The following EIF4G1 variants were observed in gnomAD, a reference collection of about 807,000 sequenced individuals.
EIF4G1 encodes the protein EIF4-gamma.
EIF4G1 carries 4 observed loss-of-function variants against 187.8 expected under a neutral mutation model. That is an observed-to-expected ratio of 0.02 (90% CI 0.01 to 0.05). EIF4G1 has a LOEUF of 0.05. Ranked by LOEUF, EIF4G1 falls within the 10% of genes least tolerant of loss-of-function variation. EIF4G1 has a pLI of 1.00. For synonymous variants in EIF4G1, 844 were observed against 781.4 expected (o/e 1.08, Z -1.34); for missense variants, 1,647 against 2,081.1 (o/e 0.79, Z 4.06).
intron 2 of EIF4G1, 100 bp from the exon 3 acceptor site, chr3:184,315,663 A>T (rs1186730359): frequency 2.3e-6 from 2 of 870,856 alleles, no homozygotes; most frequent in Non-Finnish European, 3.8e-6. Context: ...CATCTCTGGG[A>T]CTCCGTATGG....
Position 184,323,486 on chromosome 3 carries a change from G to A in EIF4G1, c.2167G>A (p.Glu723Lys), listed in dbSNP as rs770352096. ...GATCATTGCCACAGTGTTAATGACC[G>A]AAGATATAAAACTGAACAAAGCAGA... Reference protein sequence around the residue: ...RKIIATVLMTEDIKLNKAEKA... With the variant: ...RKIIATVLMTKDIKLNKAEKA... Residue 723 changes from glutamate (E) to lysine (K), a missense_variant, in exon 15 of 33, where the codon GAA becomes AAA. Glu to Lys is a moderately conservative substitution (Grantham distance 56). Coordinates refer to ENST00000346169, the MANE Select transcript of EIF4G1 (RefSeq NM_198241.3). This position sits in a 1 kb window ranked among gnomAD's most constrained non-coding sequence, Gnocchi z 6.9. The A allele has an allele frequency of 8.7e-6, 14 of 1,614,044 alleles. No homozygotes were observed. The highest frequency in any genetic ancestry group is 1.6e-4 in the Middle Eastern group (1 of 6,084).
chr3:184,325,672 G>C lies in EIF4G1; in HGVS notation c.3121+33G>C, dbSNP rs771104958. The C allele has an allele frequency of 1.2e-6, 2 of 1,614,176 alleles. No homozygotes were observed. The highest frequency in any genetic ancestry group is 1.1e-5 in the South Asian group (1 of 91,080). On this transcript the variant is annotated intron_variant, in intron 20 of 32. Coordinates refer to ENST00000346169, the MANE Select transcript of EIF4G1 (RefSeq NM_198241.3). This position sits in a 1 kb window ranked among gnomAD's most constrained non-coding sequence, Gnocchi z 5.2. ...CCAAGCTGGGATTGAGAAGGGAGCA[G>C]TGAAGGGACCGGGAGGTTATACTTT... is the stretch of plus-strand genomic sequence containing the variant.
At chr3:184,317,134 G>A (rs1425837283) in intron 4 of EIF4G1, among the ~76,000 whole-genome samples, 187 bp from the exon 5 acceptor site, 3 of 152,212 alleles carry the variant, frequency 2.0e-5, no homozygotes, top group African/African-American at 7.2e-5. Context: ...TGAATTTGGA[G>A]GTTTGGAGGG....
chr3:184,319,715 G>A lies in EIF4G1; in HGVS notation c.451G>A (p.Val151Met), dbSNP rs369746567. 1.2e-6 allele frequency: 2 copies of A among 1,604,102 alleles called. No individual in the cohort carries two copies. Among genetic ancestry groups the A allele is most frequent in the Non-Finnish European group, 1.7e-6 (2 of 1,175,682 alleles). ...TGGCGCCTACTATCCAGCCCAAGGG[G>A]TGCAGCAGTTTCCCACTGGCGTGGC... ...YAGAYYPAQG[V>M]QQFPTGVAPT... is the part of the protein sequence containing the mutation. The change falls in exon 7 of 33, where the codon GTG (valine) becomes ATG (methionine). Residue 151 changes from valine (V) to methionine (M), a missense_variant. Val to Met is a conservative substitution (Grantham distance 21, BLOSUM62 1). Coordinates refer to ENST00000346169, the MANE Select transcript of EIF4G1 (RefSeq NM_198241.3).
chr3:184,323,422 C>T lies in EIF4G1; in HGVS notation c.2103C>T (p.Pro701=). 1.2e-6 allele frequency: 2 copies of T among 1,614,218 alleles called. No individual in the cohort carries two copies. Among genetic ancestry groups the T allele is most frequent in the South Asian group, 2.2e-5 (2 of 91,088 alleles). The part of the protein sequence containing the change: ...ELPRGPAGLG[P]RRSQQGPRKE... ...TTGCTTAGCAGGCTGGCCTGGGACC[C>T]CGGCGCTCTCAGCAGGGACCCCGAA... The change falls in exon 15 of 33, where the codon CCC becomes CCT. Residue 701 remains proline, a synonymous_variant. Transcript: ENST00000346169. The surrounding 1 kb of genome is among the most constrained non-coding windows in gnomAD (Gnocchi z 6.9).
At position 184,323,780 on chromosome 3, in the gene EIF4G1, G is replaced by C. The variant is rs142947014; in HGVS notation, c.2275G>C (p.Asp759His). The C allele has an allele frequency of 1.2e-6, 2 of 1,613,500 alleles. No homozygotes were observed. Among genetic ancestry groups the C allele is most frequent in the African/African-American group, 1.3e-5 (1 of 74,914 alleles). ...GAACTCTTGTCTCTTCTCCCTCCAG[G>C]ACCTATTCCGCAGGGTGCGCTCCAT... ...EEDADGSKTQ[D>H]LFRRVRSILN... is the part of the protein sequence containing the mutation. Residue 759 changes from aspartate (D) to histidine (H), a missense_variant and splice_region_variant, in exon 16 of 33, where the codon GAC becomes CAC. Asp to His is a moderately conservative substitution (Grantham distance 81, BLOSUM62 -1). Coordinates refer to ENST00000346169, the MANE Select transcript of EIF4G1 (RefSeq NM_198241.3). The surrounding 1 kb of genome is among the most constrained non-coding windows in gnomAD (Gnocchi z 6.9).
rs772151733 is a variant in EIF4G1, at chr3:184,334,720, C to T, written c.4619-7C>T. On this transcript the variant is annotated splice_region_variant and splice_polypyrimidine_tract_variant and intron_variant, in intron 32 of 32. Coordinates refer to ENST00000346169, the MANE Select transcript of EIF4G1 (RefSeq NM_198241.3). This position sits in a 1 kb window ranked among gnomAD's most constrained non-coding sequence, Gnocchi z 5.8. ...TCACCTCTAACTGCTGTCCCGCCTG[C>T]TTGCAGACCTGCTGCGGATGTTCTT... 4.3e-6 allele frequency: 7 copies of T among 1,614,042 alleles called. No homozygotes were observed. The highest frequency in any genetic ancestry group is 1.7e-5 in the Admixed American group (1 of 60,012).
At position 184,317,379 on chromosome 3, in the gene EIF4G1, C is replaced by T; in HGVS notation, c.206C>T (p.Ala69Val). 6.2e-7 allele frequency: 1 copy of T among 1,614,118 alleles called. No homozygotes were observed. Among genetic ancestry groups the T allele is most frequent in the Non-Finnish European group, 8.5e-7 (1 of 1,180,028 alleles). Residue 69 changes from alanine to valine, a missense_variant, in exon 5 of 33, where the codon GCA (alanine) becomes GTA (valine). Transcript: ENST00000346169. ...PSSAASRVQS[A>V]APARPGPAAH... ...AGTGCAGCCTCCCGAGTGCAGAGTGCAGCCCCTGCCCGCCCTGGCCCAGCT... is the reference window on the plus strand; with the variant it reads ...AGTGCAGCCTCCCGAGTGCAGAGTGTAGCCCCTGCCCGCCCTGGCCCAGCT...
intron 4 of EIF4G1, 56 bp downstream of exon 4, chr3:184,316,274 T>TGGCCAGTTTAGGTC: frequency 6.2e-7 from 1 of 1,602,192 alleles, no homozygotes; most frequent in Non-Finnish European, 8.5e-7. Context: ...TGGAAAGCTT[T>TGGCCAGTTTAGGTC]GGCCAGTTTA....
chr3:184,328,637 T>C lies in EIF4G1; in HGVS notation c.3960T>C (p.Tyr1320=). 2.5e-6 allele frequency: 4 copies of C among 1,613,968 alleles called. No individual in the cohort carries two copies. Among genetic ancestry groups the C allele is most frequent in the Non-Finnish European group, 2.5e-6 (3 of 1,179,868 alleles). Residue 1320 remains tyrosine (Y), a synonymous_variant, in exon 27 of 33, where the codon TAT becomes TAC. Transcript: ENST00000346169. The part of the protein sequence containing the change: ...LSTAQYYQGL[Y]EILELAEDME... ...CTTTGAATTCCCTTGGCAGGTTGTA[T>C]GAAATCTTGGAATTGGCTGAGGACA...
chr3:184,328,448 G>C lies in EIF4G1; in HGVS notation c.3954-183G>C, dbSNP rs78851346. 3 of 849,146 alleles carry C rather than the reference G, an allele frequency of 3.5e-6. No homozygotes were observed. The East Asian group carries it at 7.3e-5, about 21-fold the overall frequency. The allele number at this position is 849,146 out of a possible 1,614,324, so 52.6% of individuals were successfully genotyped here. A position where few individuals can be genotyped will look rare whatever the true frequency, so the allele number is the denominator to read the frequency against. Reference sequence around the variant, plus strand: ...GACCATCCTGGTCAGCATAACTTTAGGGGGTTAAGCGGGGTGAAAACCATC... The same window carrying C: ...GACCATCCTGGTCAGCATAACTTTACGGGGTTAAGCGGGGTGAAAACCATC... On this transcript the variant is annotated intron_variant, in intron 26 of 32. Transcript: ENST00000346169.
intron 32 of EIF4G1, 119 bp downstream of exon 32, chr3:184,332,205 T>C (rs1379772266): frequency 2.0e-5 from 27 of 1,362,206 alleles, no homozygotes; most frequent in African/African-American, 2.9e-5. Flanking sequence ...GAGAGCAAAA[T>C]GCCCTCTGGG....
rs747913600 is a variant in EIF4G1, at chr3:184,325,827, A to G, written c.3122-24A>G. The G allele has an allele frequency of 3.7e-6, 6 of 1,613,922 alleles. No individual in the cohort carries two copies. The highest frequency in any genetic ancestry group is 5.1e-6 in the Non-Finnish European group (6 of 1,179,816). On this transcript the variant is annotated intron_variant, in intron 20 of 32. Coordinates refer to ENST00000346169, the MANE Select transcript of EIF4G1 (RefSeq NM_198241.3). This position sits in a 1 kb window ranked among gnomAD's most constrained non-coding sequence, Gnocchi z 5.2. The stretch of plus-strand genomic sequence containing the variant: ...GCTGCTAGGATTTATTCATTATTCC[A>G]GTATGCCCCTCTTTTTGTGTCAGGC...
At position 184,327,308 on chromosome 3, in the gene EIF4G1, T is replaced by C; in HGVS notation, c.3521T>C (p.Leu1174Pro). Reference sequence around the variant, plus strand: ...CGGGGAGGGGACCGTGGGGACCGGCTTGATCGTGCGCGGACACCTGCTACC... The same window carrying C: ...CGGGGAGGGGACCGTGGGGACCGGCCTGATCGTGCGCGGACACCTGCTACC... Reference protein sequence around the residue: ...SERGGDRGDRLDRARTPATKR... With the variant: ...SERGGDRGDRPDRARTPATKR... Residue 1174 changes from leucine (L) to proline (P), a missense_variant, in exon 24 of 33, where the codon CTT (leucine) becomes CCT (proline). By Grantham distance (98) the Leu-to-Pro change is moderately conservative. Around this residue, in one of 11 missense-constraint regions of EIF4G1, gnomAD observed 543 missense variants for 638.0 expected, o/e 0.85. Coordinates refer to ENST00000346169, the MANE Select transcript of EIF4G1 (RefSeq NM_198241.3). 1 of 1,613,852 alleles carries C rather than the reference T, an allele frequency of 6.2e-7. No homozygotes were observed. The highest frequency in any genetic ancestry group is 8.5e-7 in the Non-Finnish European group (1 of 1,180,030).
At position 184,334,282 on chromosome 3, in the gene EIF4G1, G is replaced by A. The variant is rs1173806015; in HGVS notation, c.4619-445G>A. 6.6e-6 allele frequency among the ~76,000 whole-genome samples: 1 copy of A among 152,192 alleles called. No individual in the cohort carries two copies. The highest frequency in any genetic ancestry group is 1.5e-5 in the Non-Finnish European group (1 of 68,040). On this transcript the variant is annotated intron_variant, in intron 32 of 32. Coordinates refer to ENST00000346169, the MANE Select transcript of EIF4G1 (RefSeq NM_198241.3). The surrounding 1 kb of genome is among the most constrained non-coding windows in gnomAD (Gnocchi z 5.8). Reference sequence around the variant, plus strand: ...GAGAAGGTGTGTATGTACAGGAAATGTGTGGGGAAGGAAGGGAAATTGAGA... The same window carrying A: ...GAGAAGGTGTGTATGTACAGGAAATATGTGGGGAAGGAAGGGAAATTGAGA...
At chr3:184,318,034 A>G (rs1396547964) in intron 6 of EIF4G1, among the ~76,000 whole-genome samples, 1 of 152,200 alleles carries the variant, frequency 6.6e-6, no homozygotes, top group Non-Finnish European at 1.5e-5. Context: ...TCTTTCCCAC[A>G]TCAGGGAATG....
intron 5 of EIF4G1, 25 bp from the exon 6 acceptor site, chr3:184,317,692 T>C: frequency 6.2e-7 from 1 of 1,601,792 alleles, no homozygotes; most frequent in South Asian, 1.1e-5. Context: ...CAACTCCTTC[T>C]CTCCCTCTCC....
rs1724156930 is a variant in EIF4G1, at chr3:184,322,911, A to G, written c.1886A>G (p.Lys629Arg). ...CAGTTCATCTTTGCCAGTATGCAGA[A>G]GCCAGAGGGATTGCCACATATCAGT... The part of the protein sequence containing the change: ...GFQFIFASMQ[K>R]PEGLPHISDV... Residue 629 changes from lysine to arginine, a missense_variant, in exon 13 of 33, where the codon AAG (lysine) becomes AGG (arginine). By Grantham distance (26) the Lys-to-Arg change is conservative. This residue lies in a region of EIF4G1 where 140 missense variants were observed against 222.2 expected (regional missense o/e 0.63). Transcript: ENST00000346169. 1 of 1,614,078 alleles carries G rather than the reference A, an allele frequency of 6.2e-7. No individual in the cohort carries two copies. The highest frequency in any genetic ancestry group is 1.7e-5 in the Admixed American group (1 of 59,996).
chr3:184,327,807 C>T (rs1325498957), intron 25 of EIF4G1, 23 bp from the exon 26 acceptor site: 1 of 1,614,104 alleles, frequency 6.2e-7, no homozygotes, highest in Non-Finnish European at 8.5e-7. Flanking sequence ...TGGTCTCTTC[C>T]TGCTGTGCCC....
Sources: allele counts gnomAD v4.1 joint callset (sites outside exome capture counted in the v4.1 genomes callset), GRCh38; gene constraint gnomAD v4.1.1; regional missense constraint gnomAD v4.1.1; non-coding constraint Gnocchi (gnomAD v3.1); transcripts MANE v1.5; gene names NCBI Gene and HGNC (gene_info 2026-07-23, HGNC 2026-07-21).